Variants in CACNA1E observed in about 807,000 individuals in gnomAD.
The protein encoded by CACNA1E is calcium voltage-gated channel subunit alpha1 E.
Under a neutral mutation model 259.2 loss-of-function variants are expected in CACNA1E, and 40 were observed. That is an observed-to-expected ratio of 0.15 (90% CI 0.12 to 0.20). The LOEUF is 0.20. Ranked by LOEUF, CACNA1E falls within the 10% of genes least tolerant of loss-of-function variation. CACNA1E has a pLI of 1.00. For synonymous variants in CACNA1E, 1,104 were observed against 1,138.5 expected (o/e 0.97, Z 0.61); for missense variants, 1,874 against 3,040.1 (o/e 0.62, Z 9.02).
At chr1:181,700,443 A>G (rs572253851) in intron 7 of CACNA1E, among the ~76,000 whole-genome samples, 1 of 152,242 alleles carries the variant, frequency 6.6e-6, no homozygotes, top group African/African-American at 2.4e-5. Flanking sequence ...CATGATGTAA[A>G]CAGTTGCCAG....
intron 3 of CACNA1E, among the ~76,000 whole-genome samples, chr1:181,550,092 C>T (rs1369251439): frequency 6.6e-6 from 1 of 152,118 alleles, no homozygotes; most frequent in Non-Finnish European, 1.5e-5. Flanking sequence ...CTAGTTAGGA[C>T]ACCATCTTTA....
At chr1:181,404,558 G>C (rs1657332063) in intron 1 of CACNA1E, among the ~76,000 whole-genome samples, 1 of 152,162 alleles carries the variant, frequency 6.6e-6, no homozygotes, top group Non-Finnish European at 1.5e-5. Context: ...GCATAAAACA[G>C]AAGTCAGAGG....
At chr1:181,356,128 C>T (rs773355067) in intron 1 of CACNA1E, among the ~76,000 whole-genome samples, 16 of 152,190 alleles carry the variant, frequency 1.1e-4, no homozygotes, top group Non-Finnish European at 1.8e-4. Context: ...CCTGCAGTAG[C>T]AGACATGAAA....
At chr1:181,563,693 G>A (rs1649541668) in intron 3 of CACNA1E, among the ~76,000 whole-genome samples, 1 of 152,164 alleles carries the variant, frequency 6.6e-6, no homozygotes, top group Admixed American at 6.5e-5. Context: ...TTGCTAACAT[G>A]ATATCAAGAA....
intron 1 of CACNA1E, among the ~76,000 whole-genome samples, chr1:181,385,133 G>T (rs535518338): frequency 2.0e-5 from 3 of 152,172 alleles, no homozygotes; most frequent in African/African-American, 7.2e-5. Context: ...TCTCAGCAGA[G>T]AAAGACACTT....
rs774127772 is a variant in CACNA1E at position 181,720,672 on chromosome 1, G to T, written c.1884-111G>T. 4.2e-6 allele frequency: 3 copies of T among 718,516 alleles called. No individual in the cohort carries two copies. In the African/African-American group the frequency reaches 5.2e-5, roughly 13 times the overall value. The allele number at this position is 718,516 out of a possible 1,614,324, so 44.5% of individuals were successfully genotyped here. On this transcript the variant is annotated intron_variant, in intron 14 of 47. Transcript: ENST00000367573. The stretch of plus-strand genomic sequence containing the variant: ...GAATGGGGAAAAAGTAGGGAAGAGG[G>T]GGGTTGTAGAAGAAAGGAGAAAAGA...
At chr1:181,715,706 C>T (rs1653819955) in intron 9 of CACNA1E, among the ~76,000 whole-genome samples, 1 of 152,172 alleles carries the variant, frequency 6.6e-6, no homozygotes, top group Non-Finnish European at 1.5e-5. Context: ...GTGTGGGGAT[C>T]ACCTTGAGAC....
upstream of CACNA1E, among the ~76,000 whole-genome samples, chr1:181,483,096 C>T (rs1663435778): frequency 6.6e-6 from 1 of 152,260 alleles, no homozygotes; most frequent in Admixed American, 6.5e-5. Context: ...CTTTCTCCAA[C>T]CTTTGGATGC....
rs755332563 is a variant in CACNA1E, at chr1:181,757,150, G to A, written c.4329+24G>A. Reference sequence around the variant, plus strand: ...AGGTAATGACAATTGGTCTAAAGTGGGGAGCAGCAGAGGCTCCAGAAAGGA... The same window carrying A: ...AGGTAATGACAATTGGTCTAAAGTGAGGAGCAGCAGAGGCTCCAGAAAGGA... On this transcript the variant is annotated intron_variant, in intron 30 of 47. Transcript: ENST00000367573. 4 of 1,558,720 alleles carry A rather than the reference G, an allele frequency of 2.6e-6. No individual in the cohort carries two copies. In the East Asian group the frequency reaches 9.0e-5, roughly 35 times the overall value.
chr1:181,392,729 A>G lies in CACNA1E; in HGVS notation c.-14-20404A>G, dbSNP rs535969957. ...GGGTGCTTTAGAAATAAGACAGAGC[A>G]ATACAGTCATTGGAACCAAATGTGA... On this transcript the variant is annotated intron_variant, in intron 1 of 11. Coordinates refer to the CACNA1E transcript ENST00000524607. Among the ~76,000 whole-genome samples, 20 of 152,354 alleles carry G rather than the reference A, an allele frequency of 1.3e-4. No individual in the cohort carries two copies. In the East Asian group the frequency reaches 3.7e-3, roughly 28 times the overall value.
intron 2 of CACNA1E, among the ~76,000 whole-genome samples, chr1:181,431,145 T>C (rs1229210813): frequency 6.6e-6 from 1 of 152,192 alleles, no homozygotes; most frequent in Non-Finnish European, 1.5e-5. Flanking sequence ...ATTGTGCAAG[T>C]AAAACAAAAG....
chr1:181,725,531 G>A (rs1276567378), intron 17 of CACNA1E, among the ~76,000 whole-genome samples: 1 of 152,160 alleles, frequency 6.6e-6, no homozygotes, highest in East Asian at 1.9e-4. Context: ...GTTTTCCTTG[G>A]GTTCATCACA....
chr1:181,658,377 G>A (rs1030515946), intron 7 of CACNA1E, among the ~76,000 whole-genome samples: 1 of 152,216 alleles, frequency 6.6e-6, no homozygotes, highest in Admixed American at 6.5e-5. Context: ...TGGGTGAGAA[G>A]CCTAACCCTG....
chr1:181,698,222 T>C (rs1436576042), intron 7 of CACNA1E, among the ~76,000 whole-genome samples: 1 of 152,206 alleles, frequency 6.6e-6, no homozygotes, highest in Non-Finnish European at 1.5e-5. Context: ...TCCCTTCCAG[T>C]GTTGATTTGT....
At position 181,399,791 on chromosome 1, in the gene CACNA1E, G is replaced by T. The variant is rs559154688; in HGVS notation, c.-14-13342G>T. ...GTGACTTGTTAGATGTTTCCCACAGGGTGGTATGCTTGATGATTTTCTTTG... is the reference window on the plus strand; with the variant it reads ...GTGACTTGTTAGATGTTTCCCACAGTGTGGTATGCTTGATGATTTTCTTTG... On this transcript the variant is annotated intron_variant, in intron 1 of 11. Coordinates refer to the CACNA1E transcript ENST00000524607. Among the ~76,000 whole-genome samples, 7 of 152,298 alleles carry T rather than the reference G, an allele frequency of 4.6e-5. 1 individual carries two copies. The South Asian group carries it at 1.5e-3, about 32-fold the overall frequency.
chr1:181,406,037 A>T (rs1242359128), intron 1 of CACNA1E, among the ~76,000 whole-genome samples: 2 of 152,208 alleles, frequency 1.3e-5, no homozygotes, highest in Admixed American at 6.5e-5. Context: ...CTAAGATCTT[A>T]TGGCCTGCAA....
At chr1:181,737,210 C>A (rs1038603992) in intron 22 of CACNA1E, among the ~76,000 whole-genome samples, 1 of 152,186 alleles carries the variant, frequency 6.6e-6, no homozygotes, top group African/African-American at 2.4e-5. Flanking sequence ...GAGTAGACAT[C>A]GAGATACAGC....
chr1:181,464,961 A>G (rs1009777610), intron 2 of CACNA1E, among the ~76,000 whole-genome samples: 1 of 152,068 alleles, frequency 6.6e-6, no homozygotes, highest in African/African-American at 2.4e-5. Context: ...TTGTCATTAT[A>G]TCCACTAATA....
intron 1 of CACNA1E, among the ~76,000 whole-genome samples, chr1:181,378,809 A>G (rs1655271316): frequency 6.6e-6 from 1 of 152,216 alleles, no homozygotes; most frequent in Non-Finnish European, 1.5e-5. Context: ...TCTAGAGCAA[A>G]CATCACTCTG....
Sources: allele counts gnomAD v4.1 joint callset (sites outside exome capture counted in the v4.1 genomes callset), GRCh38; gene constraint gnomAD v4.1.1; transcripts MANE v1.5; gene names NCBI Gene and HGNC (gene_info 2026-07-23, HGNC 2026-07-21).